Variants in SYNE3 observed in about 807,000 individuals in gnomAD.
SYNE3 encodes the protein spectrin repeat containing nuclear envelope family member 3, also known as nesprin-3.
In SYNE3, 100 loss-of-function variants were observed where a neutral mutation model predicts 111.2. The observed-to-expected ratio is 0.90, with a 90% confidence interval of 0.77 to 1.06. The LOEUF is 1.06. SYNE3 is among the 50% of genes least tolerant of loss of function. The pLI, the probability that SYNE3 is intolerant of heterozygous loss-of-function variation, is 0.00. For missense variants in SYNE3, 1,160 were observed against 1,240.3 expected, an observed-to-expected ratio of 0.94 and a Z score of 0.97; for synonymous variants, 547 against 533.9, an observed-to-expected ratio of 1.02 and a Z score of -0.34.
chr14:95,490,580 T>C (rs1889801249), intron 1 of SYNE3, among the ~76,000 whole-genome samples: 1 of 152,246 alleles, frequency 6.6e-6, no homozygotes. Context: ...CCTGTTACCC[T>C]GAACTATACT....
At position 95,483,446 on chromosome 14, in the gene SYNE3, T is replaced by C. The variant is rs192957686; in HGVS notation, c.-14-7611A>G. Among the ~76,000 whole-genome samples, 191 of 152,298 alleles carry C rather than the reference T, an allele frequency of 1.3e-3. 1 individual carries two copies. The highest frequency in any genetic ancestry group is 4.0e-3 in the African/African-American group (167 of 41,570). On this transcript the variant is annotated intron_variant, in intron 1 of 17. Transcript: ENST00000682763. ...TTATCCTCTCTTTCCCACTGCTCTC[T>C]TATGCTTGGATGTTATTTCAGGAAC...
At chr14:95,428,417 G>A (rs374418580) in intron 17 of SYNE3, among the ~76,000 whole-genome samples, 72 of 152,298 alleles carry the variant, frequency 4.7e-4, no homozygotes, top group African/African-American at 1.6e-3. Flanking sequence ...CCAGAGATGT[G>A]AAAATGTGAA....
rs750641582 is a variant in SYNE3, at chr14:95,500,048, C to T, written c.-15+16548G>A. ...CTAATTTTTTTATTTTTAGTAGAGACGGAGTTTCACCATGTTGGTCAGGCT... is the reference window on the plus strand; with the variant it reads ...CTAATTTTTTTATTTTTAGTAGAGATGGAGTTTCACCATGTTGGTCAGGCT... On this transcript the variant is annotated intron_variant, in intron 1 of 17. Transcript: ENST00000682763. The surrounding 1 kb of genome is among the most constrained non-coding windows in gnomAD (Gnocchi z 4.7). Among the ~76,000 whole-genome samples, 2 of 151,894 alleles carry T rather than the reference C, an allele frequency of 1.3e-5. No homozygotes were observed. The highest frequency in any genetic ancestry group is 2.4e-5 in the African/African-American group (1 of 41,330).
intron 1 of SYNE3, among the ~76,000 whole-genome samples, chr14:95,506,132 C>A (rs1242672245): frequency 1.3e-5 from 2 of 152,112 alleles, no homozygotes; most frequent in African/African-American, 4.8e-5. Context: ...TCATTCAGTG[C>A]CCTGGGCTTG....
In SYNE3 at chr14:95,411,375, G is replaced by C. The variant is rs920909260; in HGVS notation, c.*6451C>G. ...GACCAGAATTGAGAGCTTTCTGAGA[G>C]GGCTGGTACAGGTGTAAGGATGTCA... On this transcript the variant is annotated 3_prime_UTR_variant, in exon 18 of 18. Transcript: ENST00000682763. 1 of 152,006 alleles carries C rather than the reference G, an allele frequency of 6.6e-6. No homozygotes were observed. The highest frequency in any genetic ancestry group is 2.4e-5 in the African/African-American group (1 of 41,412). 9.4% of individuals were successfully genotyped at this position (152,006 alleles called of 1,614,324 possible). A position where few individuals can be genotyped will look rare whatever the true frequency, so the allele number is the denominator to read the frequency against.
intron 7 of SYNE3, chr14:95,450,493 A>G: frequency 5.6e-6 from 1 of 179,466 alleles, no homozygotes; most frequent in South Asian, 1.4e-4. Context: ...TGGGCAACAT[A>G]GCAAGACCCC....
At chr14:95,469,523 T>C (rs1484266245) in intron 2 of SYNE3, among the ~76,000 whole-genome samples, 1 of 137,222 alleles carries the variant, frequency 7.3e-6, no homozygotes, top group East Asian at 2.1e-4. Context: ...AGTGAGACCA[T>C]GTCTCTACAA....
chr14:95,497,309 T>C (rs1890133684), intron 1 of SYNE3, among the ~76,000 whole-genome samples: 2 of 152,366 alleles, frequency 1.3e-5, no homozygotes, highest in South Asian at 2.1e-4. Context: ...AATATGGGGA[T>C]GGTATTAGCA....
intron 1 of SYNE3, among the ~76,000 whole-genome samples, chr14:95,515,498 G>C (rs79667420): frequency 0.023 from 3,438 of 152,304 alleles, 112 homozygotes; most frequent in African/African-American, 0.079. Flanking sequence ...CTCTGGGCCT[G>C]TTTCTGCTTC....
chr14:95,421,247 C>T (rs1009096846), intron 17 of SYNE3, among the ~76,000 whole-genome samples: 3 of 152,052 alleles, frequency 2.0e-5, no homozygotes, highest in Non-Finnish European at 4.4e-5. Context: ...GTTGATGAGC[C>T]CATGGGGGTG....
At chr14:95,444,316 A>AGGTTCTGTTGAG (rs1441962282) in intron 10 of SYNE3, 169 bp downstream of exon 10, 9 of 848,766 alleles carry the variant, frequency 1.1e-5, no homozygotes, top group Non-Finnish European at 1.4e-5. Context: ...GAACCATCAG[A>AGGTTCTGTTGAG]TAAATAAGCA....
intron 17 of SYNE3, among the ~76,000 whole-genome samples, chr14:95,426,058 G>C (rs142901770): frequency 6.6e-6 from 1 of 152,180 alleles, no homozygotes; most frequent in Non-Finnish European, 1.5e-5. Flanking sequence ...GAGGAGTTGT[G>C]GGGTGGAAGG....
At chr14:95,473,613 G>A (rs1292015060) in intron 2 of SYNE3, among the ~76,000 whole-genome samples, 2 of 152,202 alleles carry the variant, frequency 1.3e-5, no homozygotes, top group East Asian at 1.9e-4. Flanking sequence ...AAAGGAGGGC[G>A]TGAGCTTGCA....
At chr14:95,484,517 G>C (rs540799827) in intron 1 of SYNE3, among the ~76,000 whole-genome samples, 6 of 152,200 alleles carry the variant, frequency 3.9e-5, no homozygotes, top group Non-Finnish European at 5.9e-5. Context: ...ATCTGCTGCA[G>C]GTCAGAGAGC....
intron 8 of SYNE3, 138 bp from the exon 9 acceptor site, chr14:95,446,229 A>C: frequency 1.0e-6 from 1 of 1,002,980 alleles, no homozygotes; most frequent in Non-Finnish European, 1.5e-6. Context: ...CAGCAAACTC[A>C]AGTAGAAACA....
At chr14:95,454,270 C>T (rs1372256802) in intron 6 of SYNE3, among the ~76,000 whole-genome samples, 2 of 152,220 alleles carry the variant, frequency 1.3e-5, no homozygotes, top group Non-Finnish European at 2.9e-5. Flanking sequence ...CTGAGCTGGC[C>T]CAGTGGTTGG....
rs902641467 is a variant in SYNE3, at chr14:95,435,256, A to C, written c.2538+1564T>G. Reference sequence around the variant, plus strand: ...TATAAAATAAGAAAAAAAAAAGATAAGAAAAATGATAGAGTAGATTATTAA... The same window carrying C: ...TATAAAATAAGAAAAAAAAAAGATACGAAAAATGATAGAGTAGATTATTAA... On this transcript the variant is annotated intron_variant, in intron 15 of 17. Transcript: ENST00000682763. Among the ~76,000 whole-genome samples the C allele has an allele frequency of 4.6e-5, 7 of 152,258 alleles. No homozygotes were observed. In the East Asian group the frequency reaches 9.7e-4, roughly 21 times the overall value.
intron 4 of SYNE3, among the ~76,000 whole-genome samples, chr14:95,457,994 T>G (rs950895877): frequency 6.6e-6 from 1 of 152,186 alleles, no homozygotes; most frequent in Non-Finnish European, 1.5e-5. Flanking sequence ...TGATGTGTGT[T>G]GCATGGGTTG....
At position 95,515,228 on chromosome 14, in the gene SYNE3, A is replaced by T. The variant is rs1022339077; in HGVS notation, c.-15+1368T>A. Among the ~76,000 whole-genome samples, 5 of 152,344 alleles carry T rather than the reference A, an allele frequency of 3.3e-5. No individual in the cohort carries two copies. The East Asian group carries it at 9.7e-4, about 29-fold the overall frequency. On this transcript the variant is annotated intron_variant, in intron 1 of 17. Transcript: ENST00000682763. ...CTGGTTGAAAACAACGCCTGGGGCC[A>T]GCAGGCTTGGCACAGCTGTGGCTGT...
Sources: allele counts gnomAD v4.1 joint callset (sites outside exome capture counted in the v4.1 genomes callset), GRCh38; gene constraint gnomAD v4.1.1; non-coding constraint Gnocchi (gnomAD v3.1); transcripts MANE v1.5; gene names NCBI Gene and HGNC (gene_info 2026-07-23, HGNC 2026-07-21).